RGS17: variants seen among roughly 807,000 people sequenced by gnomAD.
RGS17 encodes regulator of G protein signaling 17.
RGS17 carries 12 observed loss-of-function variants against 25.5 expected under a neutral mutation model. The observed-to-expected ratio is 0.47, with a 90% confidence interval of 0.30 to 0.76. RGS17 has a LOEUF of 0.76. Ranked by LOEUF, RGS17 falls within the 30% of genes least tolerant of loss-of-function variation. The pLI is 0.07. For synonymous variants in RGS17, 71 were observed against 76.9 expected, an observed-to-expected ratio of 0.92 and a Z score of 0.40; for missense variants, 196 against 242.2, an observed-to-expected ratio of 0.81 and a Z score of 1.27.
chr6:153,015,479 G>T (rs369789867), intron 4 of RGS17, among the ~76,000 whole-genome samples: 58 of 152,202 alleles, frequency 3.8e-4, no homozygotes, highest in African/African-American at 1.3e-3. Flanking sequence ...CATCAATGTC[G>T]AAGCAAGACC....
intron 1 of RGS17, among the ~76,000 whole-genome samples, chr6:153,088,438 G>A (rs1020596681): frequency 6.6e-6 from 1 of 152,056 alleles, no homozygotes; most frequent in Non-Finnish European, 1.5e-5. Context: ...ATTGAACTTG[G>A]CCAATTATTC....
chr6:153,043,879 C>T, intron 2 of RGS17, 21 bp downstream of exon 2: 2 of 1,510,954 alleles, frequency 1.3e-6, no homozygotes, highest in South Asian at 1.2e-5. Context: ...GGTGTGGCAT[C>T]CTACAGGTAA....
chr6:153,070,955 G>A (rs1776789949), intron 1 of RGS17, among the ~76,000 whole-genome samples: 1 of 149,234 alleles, frequency 6.7e-6, no homozygotes, highest in African/African-American at 2.5e-5. Context: ...ATATCTACAT[G>A]TGTATATACA....
At chr6:153,044,870 T>A (rs1217665000) in intron 1 of RGS17, among the ~76,000 whole-genome samples, 1 of 152,198 alleles carries the variant, frequency 6.6e-6, no homozygotes, top group African/African-American at 2.4e-5. Context: ...AAGACTGTAC[T>A]GAGGATTAAA....
rs547900036 is a variant in RGS17, at chr6:153,004,871, A to G, written c.*6703T>C. On this transcript the variant is annotated 3_prime_UTR_variant, in exon 5 of 5. Transcript: ENST00000206262. ...CTCTTAAGTTGCATTCATGCATTCA[A>G]AACTTCTTTATTGTCCACTGATAAA... 75 of 152,344 alleles carry G rather than the reference A, an allele frequency of 4.9e-4. 1 individual carries two copies. Among genetic ancestry groups the G allele is most frequent in the African/African-American group, 1.8e-3 (73 of 41,594 alleles). The allele number at this position is 152,344 out of a possible 1,614,324, so 9.4% of individuals were successfully genotyped here.
chr6:153,069,155 C>A (rs185344970), intron 1 of RGS17, among the ~76,000 whole-genome samples: 1 of 152,246 alleles, frequency 6.6e-6, no homozygotes, highest in East Asian at 1.9e-4. Context: ...TCTGCACTCC[C>A]GTGTTTGTTG....
In RGS17 at chr6:153,004,786, C is replaced by G. The variant is rs1779056856; in HGVS notation, c.*6788G>C. 1 of 152,100 alleles carries G rather than the reference C, an allele frequency of 6.6e-6. No individual in the cohort carries two copies. Among genetic ancestry groups the G allele is most frequent in the Non-Finnish European group, 1.5e-5 (1 of 67,974 alleles). 9.4% of individuals were successfully genotyped at this position (152,100 alleles called of 1,614,324 possible). ...TTGGAGGAAACATAATCTGGATTAT[C>G]TATTCAATTTGTGAATACCCACCGT... On this transcript the variant is annotated 3_prime_UTR_variant, in exon 5 of 5. Coordinates refer to ENST00000206262, the MANE Select transcript of RGS17 (RefSeq NM_012419.5).
intron 1 of RGS17, among the ~76,000 whole-genome samples, chr6:153,048,885 G>A (rs951074995): frequency 6.6e-6 from 1 of 152,088 alleles, no homozygotes; most frequent in Admixed American, 6.6e-5. Flanking sequence ...TAACCAAGGA[G>A]CCAATAAATT....
At chr6:153,119,244 T>C (rs1387946921) in intron 1 of RGS17, among the ~76,000 whole-genome samples, 2 of 152,198 alleles carry the variant, frequency 1.3e-5, no homozygotes, top group Admixed American at 1.3e-4. Flanking sequence ...ACCTCAGAGT[T>C]AGAATGAGGC....
rs966850399 is a variant in RGS17 at position 153,024,206 on chromosome 6, C to T, written c.444+56G>A. Reference sequence around the variant, plus strand: ...CCCTACCCAATGTGGACAGCCATCCCTTGACGGTTATCCTTGGTCTTAGGA... The same window carrying T: ...CCCTACCCAATGTGGACAGCCATCCTTTGACGGTTATCCTTGGTCTTAGGA... On this transcript the variant is annotated intron_variant, in intron 4 of 4. Transcript: ENST00000206262. 1.8e-5 allele frequency: 22 copies of T among 1,211,330 alleles called. No individual in the cohort carries two copies. In the African/African-American group the frequency reaches 2.4e-4, roughly 13 times the overall value. The allele number at this position is 1,211,330 out of a possible 1,614,324, so 75.0% of individuals were successfully genotyped here.
intron 1 of RGS17, among the ~76,000 whole-genome samples, chr6:153,112,073 C>T (rs7745216): frequency 0.47 from 71,181 of 151,906 alleles, 17,332 homozygotes; most frequent in East Asian, 0.85. Context: ...CAAAACTGGA[C>T]GGAGAATGAG....
At position 153,004,745 on chromosome 6, in the gene RGS17, C is replaced by A. The variant is rs914295765; in HGVS notation, c.*6829G>T. ...GATTCTAGGAAGGGGGAAAAAAAAA[C>A]CCAGAAAAACTTAAATTGGAGGAAA... On this transcript the variant is annotated 3_prime_UTR_variant, in exon 5 of 5. Coordinates refer to ENST00000206262, the MANE Select transcript of RGS17 (RefSeq NM_012419.5). 2.6e-5 allele frequency: 4 copies of A among 151,832 alleles called. No individual in the cohort carries two copies. Among genetic ancestry groups the A allele is most frequent in the East Asian group, 1.9e-4 (1 of 5,176 alleles). 9.4% of individuals were successfully genotyped at this position (151,832 alleles called of 1,614,324 possible).
chr6:153,057,077 A>T (rs945005818), intron 1 of RGS17, among the ~76,000 whole-genome samples: 1 of 152,174 alleles, frequency 6.6e-6, no homozygotes, highest in Non-Finnish European at 1.5e-5. Context: ...ATCCTTTCCC[A>T]AAGTATCCCT....
At chr6:153,019,027 AG>A (rs1481453017) in intron 4 of RGS17, among the ~76,000 whole-genome samples, 1 of 152,186 alleles carries the variant, frequency 6.6e-6, no homozygotes, top group African/African-American at 2.4e-5. Context: ...TTTTTCTCTC[AG>A]ATGGTAACTG....
At chr6:153,081,727 A>G (rs1057446913) in intron 1 of RGS17, among the ~76,000 whole-genome samples, 1 of 152,012 alleles carries the variant, frequency 6.6e-6, no homozygotes, top group African/African-American at 2.4e-5. Context: ...CATGTTATTA[A>G]TCCTACAATA....
At chr6:153,036,935 A>C (rs1042729702) in intron 2 of RGS17, among the ~76,000 whole-genome samples, 1 of 152,170 alleles carries the variant, frequency 6.6e-6, no homozygotes, top group Non-Finnish European at 1.5e-5. Context: ...AATACTTAAA[A>C]TATAAAATGG....
intron 4 of RGS17, among the ~76,000 whole-genome samples, chr6:153,015,234 G>A (rs1779170997): frequency 1.3e-5 from 2 of 152,242 alleles, no homozygotes; most frequent in African/African-American, 4.8e-5. Context: ...GACAACAAAG[G>A]ATTTAGATTA....
intron 4 of RGS17, 121 bp downstream of exon 4, chr6:153,024,141 A>T (rs1177801041): frequency 5.9e-5 from 38 of 644,248 alleles, no homozygotes; most frequent in South Asian, 4.9e-4. Flanking sequence ...AAGCTGAATT[A>T]TCTACCCAGT....
chr6:153,068,860 C>A (rs1330763531), intron 1 of RGS17, among the ~76,000 whole-genome samples: 4 of 152,098 alleles, frequency 2.6e-5, no homozygotes, highest in Non-Finnish European at 4.4e-5. Context: ...ATTTGCTCAA[C>A]ATCAAAGATC....
Sources: gnomAD v4.1 joint callset for allele counts (sites outside exome capture counted in the v4.1 genomes callset) on GRCh38, gnomAD v4.1.1 for gene constraint, MANE v1.5 for transcripts, NCBI Gene and HGNC (gene_info 2026-07-23, HGNC 2026-07-21) for gene names.